Variants in PTPRD observed in about 807,000 individuals in gnomAD.
The protein encoded by PTPRD is receptor-type tyrosine-protein phosphatase delta.
Under a neutral mutation model 214.5 loss-of-function variants are expected in PTPRD, and 34 were observed. That is an observed-to-expected ratio of 0.16 (90% CI 0.12 to 0.21). The LOEUF (loss-of-function observed/expected upper bound fraction) is 0.21. Among genes scored for constraint, PTPRD ranks in the 10% least tolerant of loss-of-function variants. The probability of loss-of-function intolerance (pLI) is 1.00; values close to 1 mark genes in which losing one functional copy is unlikely to be tolerated. For synonymous variants in PTPRD, 1,128 were observed against 845.7 expected (o/e 1.33, Z -5.79); for missense variants, 2,545 against 2,398.7 (o/e 1.06, Z -1.27).
chr9:8,997,421 T>C (rs1281386937), intron 11 of PTPRD, among the ~76,000 whole-genome samples: 2 of 152,092 alleles, frequency 1.3e-5, no homozygotes, highest in East Asian at 3.9e-4. Context: ...ATATCTGTTA[T>C]AGTCTGCGAT....
At position 9,958,395 on chromosome 9, in the gene PTPRD, G is replaced by T. The variant is rs974007058; in HGVS notation, c.-471-19785C>A. Among the ~76,000 whole-genome samples the T allele has an allele frequency of 2.0e-5, 3 of 152,110 alleles. 1 individual carries two copies. The highest frequency in any genetic ancestry group is 2.9e-5 in the Non-Finnish European group (2 of 68,020). ...ACATACAAAAAATTAGCTGGGCGTG[G>T]TGGCACGCACCTGTAATACCAGCTA... On this transcript the variant is annotated intron_variant, in intron 4 of 45. Transcript: ENST00000381196.
At chr9:10,194,727 T>C (rs1399964530) in intron 3 of PTPRD, among the ~76,000 whole-genome samples, 2 of 152,070 alleles carry the variant, frequency 1.3e-5, no homozygotes, top group Admixed American at 1.3e-4. Context: ...TTAAAGAGAA[T>C]ATGAAAATAT....
At chr9:10,007,080 T>G (rs541241457) in intron 4 of PTPRD, among the ~76,000 whole-genome samples, 14 of 152,088 alleles carry the variant, frequency 9.2e-5, no homozygotes, top group African/African-American at 2.9e-4. Context: ...CAGAAGTGTT[T>G]GTCTCTGTTT....
At chr9:10,265,823 T>C (rs2094016148) in intron 3 of PTPRD, among the ~76,000 whole-genome samples, 1 of 152,216 alleles carries the variant, frequency 6.6e-6, no homozygotes, top group Admixed American at 6.5e-5. Context: ...AACTGATACT[T>C]TGATCAAGAT....
intron 8 of PTPRD, among the ~76,000 whole-genome samples, chr9:9,476,357 G>C (rs1303297565): frequency 2.6e-5 from 4 of 151,964 alleles, no homozygotes; most frequent in East Asian, 1.9e-4. Context: ...TCTAGCCAGG[G>C]GCCTATTCTC....
chr9:10,363,431 C>T (rs1490788018), intron 2 of PTPRD, among the ~76,000 whole-genome samples: 1 of 152,128 alleles, frequency 6.6e-6, no homozygotes, highest in Non-Finnish European at 1.5e-5. Context: ...TTCACTGTCG[C>T]CATTATTTTA....
chr9:9,467,213 C>CT (rs35659936), intron 8 of PTPRD, among the ~76,000 whole-genome samples: 8,112 of 92,800 alleles, frequency 0.087, 334 homozygotes, highest in Non-Finnish European at 0.11. Flanking sequence ...GTTCATTTAT[C>CT]TTTTTTTTTT....
intron 30 of PTPRD, among the ~76,000 whole-genome samples, chr9:8,475,074 G>C (rs1211339709): frequency 1.3e-5 from 2 of 151,976 alleles, no homozygotes; most frequent in Non-Finnish European, 2.9e-5. Context: ...TCCCACTCCT[G>C]ACTGCCAAAA....
At chr9:9,408,798 C>G (rs1197951109) in intron 8 of PTPRD, among the ~76,000 whole-genome samples, 1 of 151,756 alleles carries the variant, frequency 6.6e-6, no homozygotes, top group Non-Finnish European at 1.5e-5. Context: ...TAAAACATCC[C>G]TCATACTGTC....
chr9:9,613,154 A>ATT lies in PTPRD; in HGVS notation c.-286-38374_-286-38373insAA, dbSNP rs1430753535. Among the ~76,000 whole-genome samples, 64 of 86,022 alleles carry ATT rather than the reference A, an allele frequency of 7.4e-4. 2 individuals carry two copies. Among genetic ancestry groups the ATT allele is most frequent in the Admixed American group, 5.6e-3 (51 of 9,090 alleles). The allele number at this position is 86,022 out of a possible 152,430, so 56.4% of individuals were successfully genotyped here. ...TACATACATATATATATATATATATATATATATATATATATATATGATTGC... is the reference window on the plus strand; with the variant it reads ...TACATACATATATATATATATATATATTTATATATATATATATATATGATTGC... On this transcript the variant is annotated intron_variant, in intron 7 of 45. Coordinates refer to ENST00000381196, the MANE Select transcript of PTPRD (RefSeq NM_002839.4).
At chr9:8,808,633 C>G (rs79234439) in intron 11 of PTPRD, among the ~76,000 whole-genome samples, 3,008 of 152,010 alleles carry the variant, frequency 0.02, 64 homozygotes, top group South Asian at 0.11. Context: ...AAGCAGTAGA[C>G]TCAATACAAA....
At chr9:10,591,429 G>C (rs944911874) in intron 2 of PTPRD, among the ~76,000 whole-genome samples, 9 of 152,020 alleles carry the variant, frequency 5.9e-5, no homozygotes, top group Non-Finnish European at 1.3e-4. Flanking sequence ...TGCTTTGAGA[G>C]TTGTTTGCAG....
chr9:9,407,814 T>C (rs2074034847), intron 8 of PTPRD, among the ~76,000 whole-genome samples: 1 of 151,844 alleles, frequency 6.6e-6, no homozygotes, highest in Non-Finnish European at 1.5e-5. Context: ...CCATAAAAGC[T>C]AGTTGCAATT....
intron 12 of PTPRD, among the ~76,000 whole-genome samples, chr9:8,727,887 G>A (rs1367783309): frequency 6.6e-6 from 1 of 152,090 alleles, no homozygotes; most frequent in African/African-American, 2.4e-5. Context: ...CCCATTTAAA[G>A]TATACAATTC....
chr9:10,450,956 G>T (rs548115987), intron 2 of PTPRD, among the ~76,000 whole-genome samples: 1 of 151,912 alleles, frequency 6.6e-6, no homozygotes, highest in Non-Finnish European at 1.5e-5. Flanking sequence ...ACTCTGAGAA[G>T]TCAAAACCCA....
intron 5 of PTPRD, among the ~76,000 whole-genome samples, chr9:9,875,934 T>C (rs2066726638): frequency 6.6e-6 from 1 of 152,038 alleles, no homozygotes; most frequent in African/African-American, 2.4e-5. Flanking sequence ...AGCAGAAAGA[T>C]GGGATGAGAG....
chr9:9,657,350 G>A (rs1218978330), intron 7 of PTPRD, among the ~76,000 whole-genome samples: 2 of 152,168 alleles, frequency 1.3e-5, no homozygotes, highest in African/African-American at 4.8e-5. Flanking sequence ...AGTTACACAA[G>A]AAGAAAAAAA....
intron 5 of PTPRD, among the ~76,000 whole-genome samples, chr9:9,857,221 G>T (rs1599918723): frequency 2.6e-5 from 4 of 152,148 alleles, no homozygotes; most frequent in African/African-American, 7.2e-5. Context: ...TGGAATGAAG[G>T]CCATTTTCAT....
chr9:8,740,174 A>C (rs2091556121), intron 11 of PTPRD, among the ~76,000 whole-genome samples: 1 of 152,190 alleles, frequency 6.6e-6, no homozygotes, highest in African/African-American at 2.4e-5. Flanking sequence ...ATCTCATCTG[A>C]TCAAGAATGC....
Sources: allele counts gnomAD v4.1 joint callset (sites outside exome capture counted in the v4.1 genomes callset), GRCh38; gene constraint gnomAD v4.1.1; transcripts MANE v1.5; gene names NCBI Gene and HGNC (gene_info 2026-07-23, HGNC 2026-07-21).